The following DPP6 variants were observed in gnomAD, a reference collection of about 807,000 sequenced individuals.
DPP6 encodes the protein A-type potassium channel modulatory protein DPP6.
A neutral mutation model predicts 122.6 loss-of-function variants in DPP6; 69 were observed. The observed-to-expected ratio is 0.56, with a 90% CI of 0.46 to 0.69. The LOEUF is 0.69. Ranked by LOEUF, DPP6 falls within the 30% of genes least tolerant of loss-of-function variation. DPP6 has a pLI of 0.00. For synonymous variants in DPP6, 418 were observed against 433.1 expected, an observed-to-expected ratio of 0.97 and a Z score of 0.43; for missense variants, 928 against 1,116.9, an observed-to-expected ratio of 0.83 and a Z score of 2.41.
At chr7:154,474,647 A>G (rs1822565625) in intron 2 of DPP6, among the ~76,000 whole-genome samples, 1 of 152,204 alleles carries the variant, frequency 6.6e-6, no homozygotes, top group South Asian at 2.1e-4. Context: ...TTGTTCATAA[A>G]TCAATCCTGA....
the DPP6 span, among the ~76,000 whole-genome samples, chr7:153,825,279 CT>C: frequency 2.0e-5 from 3 of 152,222 alleles, no homozygotes; most frequent in African/African-American, 4.8e-5. Context: ...GAGAGACCCC[CT>C]TTAAGGAGGA....
chr7:154,726,846 A>G (rs1325464443), intron 7 of DPP6, among the ~76,000 whole-genome samples: 1 of 152,200 alleles, frequency 6.6e-6, no homozygotes, highest in Non-Finnish European at 1.5e-5. Context: ...CTCATGCATA[A>G]CAAAAGTGAC....
At chr7:154,536,732 T>C (rs1408348933) in intron 3 of DPP6, among the ~76,000 whole-genome samples, 1 of 152,200 alleles carries the variant, frequency 6.6e-6, no homozygotes, top group Non-Finnish European at 1.5e-5. Flanking sequence ...AATGCAGGAA[T>C]GAGTCAACTC....
chr7:153,888,988 A>G (rs910096658), intron 1 of DPP6, among the ~76,000 whole-genome samples: 1 of 152,122 alleles, frequency 6.6e-6, no homozygotes, highest in Non-Finnish European at 1.5e-5. Flanking sequence ...AATTGAACAA[A>G]TACCCAGCTG....
At chr7:154,698,487 C>T (rs1462939664) in intron 7 of DPP6, among the ~76,000 whole-genome samples, 2 of 152,072 alleles carry the variant, frequency 1.3e-5, no homozygotes, top group African/African-American at 2.4e-5. Context: ...GGTGAATATG[C>T]AATTCGTTTT....
At chr7:154,170,129 G>T (rs931426216) in intron 1 of DPP6, among the ~76,000 whole-genome samples, 1 of 152,078 alleles carries the variant, frequency 6.6e-6, no homozygotes, top group Admixed American at 6.5e-5. Flanking sequence ...GCATTTTGTA[G>T]GTTGCACTGA....
In DPP6 at chr7:154,840,808, T is replaced by G. The variant is rs141859564; in HGVS notation, c.1667-12972T>G. ...ACCTCTAACACAGGTAGCTGGCGAT[T>G]TAGAGGCTATTCTAGAGAATGCGCC... On this transcript the variant is annotated intron_variant, in intron 16 of 25. Coordinates refer to ENST00000377770, the MANE Select transcript of DPP6 (RefSeq NM_130797.4). 4.4e-3 allele frequency among the ~76,000 whole-genome samples: 666 copies of G among 152,316 alleles called. 3 individuals carry two copies. Among genetic ancestry groups the G allele is most frequent in the Middle Eastern group, 0.014 (4 of 294 alleles).
intron 1 of DPP6, among the ~76,000 whole-genome samples, chr7:154,075,284 T>C (rs1585319971): frequency 6.6e-6 from 1 of 152,172 alleles, no homozygotes; most frequent in Non-Finnish European, 1.5e-5. Flanking sequence ...TACCATTTGA[T>C]CCAGCCACCC....
At chr7:153,790,997 G>A in the DPP6 span, among the ~76,000 whole-genome samples, 11 of 152,258 alleles carry the variant, frequency 7.2e-5, no homozygotes, top group African/African-American at 2.6e-4. Flanking sequence ...AATTGAAAAA[G>A]AGAAATCATG....
intron 1 of DPP6, among the ~76,000 whole-genome samples, chr7:153,976,749 G>A (rs1424646854): frequency 1.3e-5 from 2 of 152,168 alleles, no homozygotes; most frequent in Non-Finnish European, 2.9e-5. Flanking sequence ...ATAAAAGGAG[G>A]GAGTGTAATT....
intron 3 of DPP6, among the ~76,000 whole-genome samples, chr7:154,502,175 C>A (rs1448084898): frequency 1.3e-5 from 2 of 152,104 alleles, no homozygotes; most frequent in Non-Finnish European, 2.9e-5. Context: ...AACTAACTTG[C>A]TTTTGATTTT....
intron 1 of DPP6, among the ~76,000 whole-genome samples, chr7:153,904,164 GC>G (rs1339140035): frequency 3.3e-5 from 5 of 152,228 alleles, no homozygotes; most frequent in Admixed American, 3.3e-4. Context: ...CAATTCTCCT[GC>G]CTCAGCCTCC....
intron 4 of DPP6, among the ~76,000 whole-genome samples, chr7:154,548,206 C>A (rs1046191718): frequency 1.1e-4 from 16 of 151,852 alleles, no homozygotes; most frequent in African/African-American, 3.9e-4. Context: ...GAAACTCCAT[C>A]TCAAAGTAAA....
At chr7:154,694,882 C>T (rs1029177037) in intron 7 of DPP6, among the ~76,000 whole-genome samples, 1 of 152,152 alleles carries the variant, frequency 6.6e-6, no homozygotes, top group Non-Finnish European at 1.5e-5. Context: ...GGCGCCACCA[C>T]CTTCTCCTCG....
rs567117952 is a variant in DPP6 at position 154,467,757 on chromosome 7, A to G, written c.359-7182A>G. ...ATTCTTAAGAATCTGCGGATCTTCT[A>G]TGTATGTCATGGGAATTCATTCCAT... On this transcript the variant is annotated intron_variant, in intron 2 of 25. Transcript: ENST00000377770. Among the ~76,000 whole-genome samples, 21 of 152,284 alleles carry G rather than the reference A, an allele frequency of 1.4e-4. No individual in the cohort carries two copies. The South Asian group carries it at 3.9e-3, about 29-fold the overall frequency.
chr7:154,317,924 G>T (rs1807575112), intron 1 of DPP6, among the ~76,000 whole-genome samples: 1 of 152,286 alleles, frequency 6.6e-6, no homozygotes, highest in African/African-American at 2.4e-5. Flanking sequence ...TATATTTTGC[G>T]AACCTCATGG....
chr7:153,855,245 AAAG>A, the DPP6 span, among the ~76,000 whole-genome samples: 14 of 100,562 alleles, frequency 1.4e-4, no homozygotes, highest in African/African-American at 3.0e-4. Context: ...TAATAAAAAA[AAAG>A]AAATAATAAA....
intron 1 of DPP6, among the ~76,000 whole-genome samples, chr7:154,334,755 G>C (rs778662307): frequency 2.0e-5 from 3 of 152,116 alleles, no homozygotes; most frequent in Admixed American, 2.0e-4. Flanking sequence ...AAATAGCCAG[G>C]CATGGTGGCA....
chr7:154,492,522 G>A (rs1303373820), intron 3 of DPP6, among the ~76,000 whole-genome samples: 1 of 152,102 alleles, frequency 6.6e-6, no homozygotes, highest in Non-Finnish European at 1.5e-5. Flanking sequence ...GCTCACACTC[G>A]TTCACCTCGT....
Sources: gnomAD v4.1 joint callset for allele counts (sites outside exome capture counted in the v4.1 genomes callset) on GRCh38, gnomAD v4.1.1 for gene constraint, MANE v1.5 for transcripts, NCBI Gene and HGNC (gene_info 2026-07-23, HGNC 2026-07-21) for gene names.